CIB1: variants seen among roughly 807,000 people sequenced by gnomAD.
CIB1 encodes calcium and integrin-binding protein 1.
CIB1 carries 19 observed loss-of-function variants against 25.0 expected under a neutral mutation model. The observed-to-expected ratio is 0.76, with a 90% CI of 0.53 to 1.12. The LOEUF (loss-of-function observed/expected upper bound fraction) is 1.12, where lower values mean the gene tolerates loss of function less well. CIB1 is among the 50% of genes most tolerant of loss of function. CIB1 has a pLI of 0.00. For missense variants in CIB1, 236 were observed against 242.6 expected (o/e 0.97, Z 0.18); for synonymous variants, 104 against 98.5 (o/e 1.06, Z -0.33).
At chr15:90,261,484 AC>A in the CIB1 span, among the ~76,000 whole-genome samples, 1 of 150,992 alleles carries the variant, frequency 6.6e-6, no homozygotes, top group African/African-American at 2.4e-5. Context: ...TTACGAGTAG[AC>A]CCCTCTCCAC....
upstream of CIB1, among the ~76,000 whole-genome samples, chr15:90,237,579 C>T (rs374147795): frequency 2.0e-5 from 3 of 152,050 alleles, no homozygotes; most frequent in East Asian, 1.9e-4. Context: ...TGTGAGCCAC[C>T]GCACCCAGCC....
At chr15:90,257,024 T>A in the CIB1 span, 1 of 1,057,350 alleles carries the variant, frequency 9.5e-7, no homozygotes, top group Non-Finnish European at 1.4e-6. Context: ...ACAGTAACTA[T>A]TTTACATGGT....
At chr15:90,263,640 G>T in the CIB1 span, 1 of 598,490 alleles carries the variant, frequency 1.7e-6, no homozygotes, top group Non-Finnish European at 3.0e-6. Flanking sequence ...GTTAAATAGT[G>T]GCCGCGGCCT....
the CIB1 span, among the ~76,000 whole-genome samples, chr15:90,250,082 C>G: frequency 1.3e-5 from 2 of 151,768 alleles, no homozygotes; most frequent in East Asian, 1.9e-4. Context: ...CTCAGCCTCC[C>G]GAGTAGCTGG....
the CIB1 span, chr15:90,265,302 C>T: frequency 9.1e-6 from 11 of 1,214,884 alleles, no homozygotes; most frequent in Non-Finnish European, 1.1e-5. Flanking sequence ...GACAATGAGC[C>T]CCTTTCCCAG....
chr15:90,261,966 C>T, the CIB1 span: 2 of 1,472,922 alleles, frequency 1.4e-6, no homozygotes, highest in Admixed American at 4.3e-5. Context: ...TGAACATTCC[C>T]ACAGCCCTAC....
the CIB1 span, chr15:90,250,994 C>A: frequency 1.4e-6 from 2 of 1,405,228 alleles, no homozygotes; most frequent in African/African-American, 1.4e-5. Context: ...CTTTAGCCTA[C>A]AAAAGAGGAC....
the CIB1 span, among the ~76,000 whole-genome samples, chr15:90,239,438 A>G: frequency 6.6e-6 from 1 of 152,128 alleles, no homozygotes; most frequent in East Asian, 1.9e-4. Context: ...AAGGGTGGAC[A>G]GGCCTCAGGA....
the CIB1 span, chr15:90,250,703 G>C: frequency 1.2e-6 from 2 of 1,614,176 alleles, no homozygotes; most frequent in South Asian, 1.1e-5. Flanking sequence ...TGAGAAGTGT[G>C]TTAAAGAGGG....
chr15:90,232,421 T>G (rs1785598676), intron 2 of CIB1, 94 bp from the exon 3 acceptor site: 2 of 1,464,384 alleles, frequency 1.4e-6, no homozygotes, highest in African/African-American at 1.4e-5. Flanking sequence ...GTCAACCAGG[T>G]GAGGAGCTAA....
the CIB1 span, chr15:90,262,231 G>A: frequency 1.8e-5 from 26 of 1,476,622 alleles, no homozygotes; most frequent in Non-Finnish European, 2.2e-5. Flanking sequence ...CCTAGGTGGG[G>A]ACAAGTCCTG....
the CIB1 span, chr15:90,263,233 G>A: frequency 8.2e-7 from 1 of 1,221,414 alleles, no homozygotes; most frequent in South Asian, 1.6e-5. Flanking sequence ...AAGGAGGCTT[G>A]TGTGATGGTA....
At chr15:90,258,525 C>A in the CIB1 span, 1 of 613,848 alleles carries the variant, frequency 1.6e-6, no homozygotes, top group Non-Finnish European at 2.9e-6. Context: ...TTTAGGGACA[C>A]ACTATCTAGA....
the CIB1 span, chr15:90,263,270 A>AAAG: frequency 2.3e-6 from 2 of 879,220 alleles, no homozygotes; most frequent in Admixed American, 5.9e-5. Flanking sequence ...GGGAAAGCAG[A>AAAG]GTGCGCTAGC....
At chr15:90,234,773 G>C (rs1183436459), upstream of CIB1, among the ~76,000 whole-genome samples, 1 of 152,154 alleles carries the variant, frequency 6.6e-6, no homozygotes, top group African/African-American at 2.4e-5. Flanking sequence ...CTCACCCCTA[G>C]ACTGCTGACC....
chr15:90,252,043 CT>C, the CIB1 span, among the ~76,000 whole-genome samples: 195 of 133,234 alleles, frequency 1.5e-3, no homozygotes, highest in Non-Finnish European at 1.6e-3. Flanking sequence ...TCACCTAATT[CT>C]TTTTTTTTTT....
chr15:90,254,854 G>GTT, the CIB1 span, among the ~76,000 whole-genome samples: 5 of 150,974 alleles, frequency 3.3e-5, no homozygotes, highest in South Asian at 1.0e-3. Flanking sequence ...TCAGGGAAGG[G>GTT]GGAAAAAAAA....
At chr15:90,263,624 T>A in the CIB1 span, 1 of 587,968 alleles carries the variant, frequency 1.7e-6, no homozygotes, top group African/African-American at 1.9e-5. Context: ...CCCAAAGGAG[T>A]ATCTGGTTAA....
upstream of CIB1, among the ~76,000 whole-genome samples, chr15:90,238,966 A>G (rs1274564143): frequency 6.6e-6 from 1 of 152,216 alleles, no homozygotes; most frequent in Non-Finnish European, 1.5e-5. Flanking sequence ...AACCTGAGCC[A>G]TGGACCTACT....
Sources: gnomAD v4.1 joint callset for allele counts (sites outside exome capture counted in the v4.1 genomes callset) on GRCh38, gnomAD v4.1.1 for gene constraint, MANE v1.5 for transcripts, NCBI Gene and HGNC (gene_info 2026-07-23, HGNC 2026-07-21) for gene names.